The following FSTL4 variants were observed in gnomAD, a reference collection of about 807,000 sequenced individuals.
FSTL4 encodes follistatin-related protein 4.
A neutral mutation model predicts 78.2 loss-of-function variants in FSTL4; 28 were observed. That is an observed-to-expected ratio of 0.36 (90% CI 0.27 to 0.49). The LOEUF (loss-of-function observed/expected upper bound fraction) is 0.49. FSTL4 is among the 20% of genes least tolerant of loss of function. FSTL4 has a pLI of 0.98. For missense variants in FSTL4, 922 were observed against 1,084.9 expected, an observed-to-expected ratio of 0.85 and a Z score of 2.11; for synonymous variants, 422 against 440.5, an observed-to-expected ratio of 0.96 and a Z score of 0.53.
At chr5:133,628,819 C>T in the FSTL4 span, among the ~76,000 whole-genome samples, 5 of 151,916 alleles carry the variant, frequency 3.3e-5, no homozygotes, top group African/African-American at 1.2e-4. Context: ...GATTTTTGCA[C>T]ATTGATTTTG....
At chr5:133,384,712 T>G (rs1755657762) in intron 4 of FSTL4, among the ~76,000 whole-genome samples, 1 of 152,222 alleles carries the variant, frequency 6.6e-6, no homozygotes, top group African/African-American at 2.4e-5. Flanking sequence ...GTGATCTTTC[T>G]GAACACCAGG....
chr5:133,790,979 T>G, the FSTL4 span, among the ~76,000 whole-genome samples: 3 of 152,152 alleles, frequency 2.0e-5, no homozygotes, highest in Non-Finnish European at 4.4e-5. Flanking sequence ...TCACTGATGG[T>G]AAAGTCCAAA....
At chr5:133,557,926 C>T (rs1759823374) in intron 3 of FSTL4, among the ~76,000 whole-genome samples, 1 of 152,224 alleles carries the variant, frequency 6.6e-6, no homozygotes, top group Non-Finnish European at 1.5e-5. Context: ...TCTGCTGAGA[C>T]AGCCATGCTT....
At chr5:133,717,085 A>C in the FSTL4 span, among the ~76,000 whole-genome samples, 54,653 of 152,072 alleles carry the variant, frequency 0.36, 11,084 homozygotes, top group African/African-American at 0.55. Context: ...CAGAGCAAAA[A>C]TCTGGGGGTT....
the FSTL4 span, among the ~76,000 whole-genome samples, chr5:133,762,510 T>G: frequency 6.6e-6 from 1 of 152,210 alleles, no homozygotes; most frequent in African/African-American, 2.4e-5. Flanking sequence ...GCCCTGTATA[T>G]CAGTTGGAAA....
chr5:133,613,232 G>A (rs895642670), upstream of FSTL4, among the ~76,000 whole-genome samples: 1 of 152,150 alleles, frequency 6.6e-6, no homozygotes, highest in African/African-American at 2.4e-5. Context: ...CTTCCTTCCC[G>A]AATGAACTGG....
At chr5:133,591,897 T>G (rs896838134) in intron 2 of FSTL4, among the ~76,000 whole-genome samples, 1 of 152,160 alleles carries the variant, frequency 6.6e-6, no homozygotes, top group African/African-American at 2.4e-5. Context: ...TGGGGCCTCA[T>G]GACAACCCTT....
chr5:133,451,121 T>C (rs553513209), intron 3 of FSTL4, among the ~76,000 whole-genome samples: 26 of 152,214 alleles, frequency 1.7e-4, no homozygotes, highest in Non-Finnish European at 2.9e-4. Flanking sequence ...TTCCCAGTTA[T>C]GGCAAAGTCC....
At chr5:133,760,416 G>C in the FSTL4 span, among the ~76,000 whole-genome samples, 1 of 152,178 alleles carries the variant, frequency 6.6e-6, no homozygotes, top group Non-Finnish European at 1.5e-5. Context: ...GTGGGTCTCT[G>C]CTGCCTCCAT....
chr5:133,748,825 TGGAAG>T, the FSTL4 span, among the ~76,000 whole-genome samples: 1 of 151,968 alleles, frequency 6.6e-6, no homozygotes, highest in African/African-American at 2.4e-5. Flanking sequence ...CTCAAGCATT[TGGAAG>T]GGAAGAGAAG....
chr5:133,489,638 C>T lies in FSTL4; in HGVS notation c.160+77548G>A, dbSNP rs112767860. On this transcript the variant is annotated intron_variant, in intron 3 of 15. Transcript: ENST00000265342. ...ATGCCAGTTCTGGTGGAGGAAAGTT[C>T]CCTTTTAGCACATAGACAGCACACT... 1.9e-4 allele frequency among the ~76,000 whole-genome samples: 29 copies of T among 152,260 alleles called. 1 individual carries two copies. The highest frequency in any genetic ancestry group is 7.0e-4 in the African/African-American group (29 of 41,548).
chr5:133,836,297 C>T, the FSTL4 span, among the ~76,000 whole-genome samples: 1 of 152,136 alleles, frequency 6.6e-6, no homozygotes, highest in Non-Finnish European at 1.5e-5. Flanking sequence ...TTTCTTCACT[C>T]TTAGCTAGTT....
At chr5:133,699,312 C>T in the FSTL4 span, among the ~76,000 whole-genome samples, 1 of 152,140 alleles carries the variant, frequency 6.6e-6, no homozygotes, top group South Asian at 2.1e-4. Flanking sequence ...CAAAACTAGC[C>T]AGAATCAGCA....
At chr5:133,556,321 T>A (rs1759786021) in intron 3 of FSTL4, among the ~76,000 whole-genome samples, 1 of 152,224 alleles carries the variant, frequency 6.6e-6, no homozygotes, top group African/African-American at 2.4e-5. Flanking sequence ...AAATAAGAAG[T>A]TGAATGTGAA....
intron 3 of FSTL4, among the ~76,000 whole-genome samples, chr5:133,408,381 CAA>C (rs1335404627): frequency 2.0e-5 from 3 of 152,256 alleles, no homozygotes; most frequent in Non-Finnish European, 4.4e-5. Context: ...CCCAGCCTCA[CAA>C]AAAGACCCCA....
At chr5:133,536,100 A>C (rs1353624136) in intron 3 of FSTL4, among the ~76,000 whole-genome samples, 3 of 152,220 alleles carry the variant, frequency 2.0e-5, no homozygotes, top group Non-Finnish European at 4.4e-5. Context: ...TGAACTGAGC[A>C]CATGACGGAA....
At chr5:133,779,662 C>T in the FSTL4 span, among the ~76,000 whole-genome samples, 3 of 152,312 alleles carry the variant, frequency 2.0e-5, no homozygotes, top group Admixed American at 1.3e-4. Flanking sequence ...CTTCCAATCA[C>T]TCCCCACTGC....
intron 2 of FSTL4, among the ~76,000 whole-genome samples, chr5:133,582,028 G>T (rs756553595): frequency 6.6e-6 from 1 of 152,168 alleles, no homozygotes; most frequent in Non-Finnish European, 1.5e-5. Context: ...GTATCAGCTG[G>T]GTGTCACAGG....
chr5:133,548,248 C>G (rs1173824551), intron 3 of FSTL4, among the ~76,000 whole-genome samples: 1 of 152,116 alleles, frequency 6.6e-6, no homozygotes, highest in Non-Finnish European at 1.5e-5. Flanking sequence ...TGTTTATAGT[C>G]AAGAATTTAT....
Sources: gnomAD v4.1 joint callset for allele counts (sites outside exome capture counted in the v4.1 genomes callset) on GRCh38, gnomAD v4.1.1 for gene constraint, MANE v1.5 for transcripts, NCBI Gene and HGNC (gene_info 2026-07-23, HGNC 2026-07-21) for gene names.